The following LRRC49 variants were observed in gnomAD, a reference collection of about 807,000 sequenced individuals.
The protein encoded by LRRC49 is leucine-rich repeat-containing protein 49.
LRRC49 carries 50 observed loss-of-function variants against 83.3 expected under a neutral mutation model. The ratio of observed to expected loss-of-function variants is 0.60; its 90% CI spans 0.48 to 0.76. The LOEUF is 0.76. Ranked by LOEUF, LRRC49 falls within the 30% of genes least tolerant of loss-of-function variation. The probability of loss-of-function intolerance (pLI) is 0.00; values close to 1 mark genes in which losing one functional copy is unlikely to be tolerated. For synonymous variants in LRRC49, 286 were observed against 283.3 expected (o/e 1.01, Z -0.10); for missense variants, 704 against 809.1 (o/e 0.87, Z 1.58).
intron 6 of LRRC49, among the ~76,000 whole-genome samples, chr15:70,912,017 A>G (rs2034569463): frequency 6.6e-6 from 1 of 152,008 alleles, no homozygotes; most frequent in Admixed American, 6.5e-5. Context: ...TTTATCACAT[A>G]TAGGTGTGTC....
At chr15:70,871,138 A>C (rs866508230) in intron 1 of LRRC49, among the ~76,000 whole-genome samples, 1 of 151,916 alleles carries the variant, frequency 6.6e-6, no homozygotes, top group South Asian at 2.1e-4. Flanking sequence ...ACTTGAGATT[A>C]GGGAGTGGTG....
At chr15:70,983,655 C>T (rs1002518693) in intron 10 of LRRC49, among the ~76,000 whole-genome samples, 1 of 151,964 alleles carries the variant, frequency 6.6e-6, no homozygotes, top group African/African-American at 2.4e-5. Context: ...GATTATTTCA[C>T]CTTACCAGTC....
intron 8 of LRRC49, among the ~76,000 whole-genome samples, chr15:70,962,656 A>G (rs75738818): frequency 0.012 from 1,787 of 152,304 alleles, 43 homozygotes; most frequent in African/African-American, 0.041. Context: ...AAAGGGACAT[A>G]GAAGCCAATT....
At chr15:70,993,449 G>A (rs1371374057) in intron 11 of LRRC49, among the ~76,000 whole-genome samples, 1 of 152,188 alleles carries the variant, frequency 6.6e-6, no homozygotes, top group African/African-American at 2.4e-5. Context: ...TGGAAATGCA[G>A]AAATCACCTG....
chr15:70,904,810 G>A, intron 5 of LRRC49, 55 bp downstream of exon 5: 1 of 1,310,256 alleles, frequency 7.6e-7, no homozygotes, highest in Non-Finnish European at 1.1e-6. Flanking sequence ...GATTAATGTG[G>A]AGATGACAAC....
chr15:70,973,236 C>A lies in LRRC49; in HGVS notation c.922-6865C>A, dbSNP rs1290172871. Among the ~76,000 whole-genome samples, 5 of 152,124 alleles carry A rather than the reference C, an allele frequency of 3.3e-5. No individual in the cohort carries two copies. The South Asian group carries it at 6.2e-4, about 19-fold the overall frequency. ...GTTTTTTCCCTTCTAACAGTCAGGC[C>A]CCTCTTCTGCAGGTCTGCTGGAGTT... On this transcript the variant is annotated intron_variant, in intron 9 of 15. Coordinates refer to ENST00000260382, the MANE Select transcript of LRRC49 (RefSeq NM_017691.5).
chr15:70,938,975 A>G (rs2141161437), intron 8 of LRRC49, among the ~76,000 whole-genome samples: 1 of 152,232 alleles, frequency 6.6e-6, no homozygotes, highest in South Asian at 2.1e-4. Flanking sequence ...AAAAGCATAC[A>G]CTGTTGCATA....
intron 11 of LRRC49, among the ~76,000 whole-genome samples, chr15:70,990,107 T>C (rs1339594016): frequency 6.6e-6 from 1 of 152,172 alleles, no homozygotes; most frequent in Non-Finnish European, 1.5e-5. Flanking sequence ...GAGGAGGCAG[T>C]CTGCCCGTTC....
intron 15 of LRRC49, 115 bp from the exon 16 acceptor site, chr15:71,049,294 G>A: frequency 1.5e-6 from 1 of 666,578 alleles, no homozygotes; most frequent in Non-Finnish European, 2.6e-6. Context: ...GAGTAGATGG[G>A]GGAGGAATAG....
At chr15:71,014,425 C>T (rs2038759008) in intron 14 of LRRC49, among the ~76,000 whole-genome samples, 1 of 151,210 alleles carries the variant, frequency 6.6e-6, no homozygotes, top group Admixed American at 6.6e-5. Flanking sequence ...TTCTAAACTA[C>T]TAAAAGGAAA....
At chr15:70,972,940 T>C (rs954820146) in intron 9 of LRRC49, among the ~76,000 whole-genome samples, 1 of 152,132 alleles carries the variant, frequency 6.6e-6, no homozygotes, top group South Asian at 2.1e-4. Flanking sequence ...CATGCTCCTT[T>C]AGCCTGGAGG....
At chr15:70,990,739 G>A (rs2037846507) in intron 11 of LRRC49, among the ~76,000 whole-genome samples, 1 of 152,202 alleles carries the variant, frequency 6.6e-6, no homozygotes, top group Non-Finnish European at 1.5e-5. Flanking sequence ...CTCACGCTGG[G>A]AGCTGTAGAC....
intron 14 of LRRC49, among the ~76,000 whole-genome samples, chr15:71,030,631 A>C (rs1337253253): frequency 6.6e-6 from 1 of 150,862 alleles, no homozygotes; most frequent in Non-Finnish European, 1.5e-5. Context: ...GGTTCCATTC[A>C]CTCCTTCACT....
chr15:70,944,342 C>T (rs1471015571), intron 8 of LRRC49, among the ~76,000 whole-genome samples: 1 of 152,150 alleles, frequency 6.6e-6, no homozygotes, highest in Non-Finnish European at 1.5e-5. Context: ...ACAAATGGCT[C>T]CACATTTTTG....
At chr15:71,010,817 A>AC (rs2038628003) in intron 13 of LRRC49, among the ~76,000 whole-genome samples, 1 of 152,050 alleles carries the variant, frequency 6.6e-6, no homozygotes, top group East Asian at 1.9e-4. Flanking sequence ...AGGAAAAAAA[A>AC]AACATCTTTA....
intron 9 of LRRC49, among the ~76,000 whole-genome samples, chr15:70,974,572 T>C (rs1329159047): frequency 6.6e-6 from 1 of 152,164 alleles, no homozygotes; most frequent in East Asian, 1.9e-4. Flanking sequence ...GTTCTTGGTA[T>C]ATTGGTTGAT....
At chr15:71,033,021 G>A (rs62551389) in intron 14 of LRRC49, among the ~76,000 whole-genome samples, 2 of 152,108 alleles carry the variant, frequency 1.3e-5, no homozygotes, top group African/African-American at 4.8e-5. Flanking sequence ...GGGCAATCAG[G>A]CAAGAGAAAG....
intron 7 of LRRC49, among the ~76,000 whole-genome samples, chr15:70,921,760 A>G (rs765627941): frequency 1.3e-5 from 2 of 152,130 alleles, no homozygotes; most frequent in Non-Finnish European, 2.9e-5. Context: ...CTCTTTTGTT[A>G]GGGTTTTCAT....
At chr15:70,858,872 G>A in intron 1 of LRRC49, 1 of 762,140 alleles carries the variant, frequency 1.3e-6, no homozygotes, top group Non-Finnish European at 2.4e-6. Context: ...GGTGGAGGCT[G>A]GGTGGTGGGG....
Sources: allele counts gnomAD v4.1 joint callset (sites outside exome capture counted in the v4.1 genomes callset), GRCh38; gene constraint gnomAD v4.1.1; transcripts MANE v1.5; gene names NCBI Gene and HGNC (gene_info 2026-07-23, HGNC 2026-07-21).